DENND4A: variants seen among roughly 807,000 people sequenced by gnomAD.
The protein encoded by DENND4A is DENN domain containing 4A.
A neutral mutation model predicts 199.3 loss-of-function variants in DENND4A; 70 were observed. That is an observed-to-expected ratio of 0.35 (90% CI 0.29 to 0.43). The LOEUF is 0.43. DENND4A is among the 20% of genes least tolerant of loss of function. The pLI is 1.00. For missense variants in DENND4A, 1,723 were observed against 2,255.8 expected (o/e 0.76, Z 4.78); for synonymous variants, 686 against 766.9 (o/e 0.89, Z 1.74).
intron 12 of DENND4A, among the ~76,000 whole-genome samples, chr15:65,719,010 C>G (rs1036724990): frequency 5.9e-5 from 9 of 151,528 alleles, no homozygotes; most frequent in Non-Finnish European, 1.3e-4. Flanking sequence ...GAACTCCTGA[C>G]CTCAGGTGAT....
intron 1 of DENND4A, among the ~76,000 whole-genome samples, chr15:65,790,164 C>T (rs2077676705): frequency 6.6e-6 from 1 of 152,158 alleles, no homozygotes; most frequent in African/African-American, 2.4e-5. Context: ...ATACTAAATA[C>T]TATTCAAGTT....
At chr15:65,780,294 A>G (rs779531864) in intron 1 of DENND4A, among the ~76,000 whole-genome samples, 2 of 152,176 alleles carry the variant, frequency 1.3e-5, no homozygotes, top group Non-Finnish European at 2.9e-5. Flanking sequence ...CCTCCCTCAC[A>G]CCTTAATCCA....
At chr15:65,773,430 C>A (rs2077195023) in intron 1 of DENND4A, among the ~76,000 whole-genome samples, 3 of 152,000 alleles carry the variant, frequency 2.0e-5, no homozygotes, top group Admixed American at 2.0e-4. Flanking sequence ...CATGATAAGT[C>A]TATAACAGGA....
chr15:65,715,265 T>C (rs2075364621), intron 14 of DENND4A: 1 of 411,764 alleles, frequency 2.4e-6, no homozygotes, highest in South Asian at 3.6e-5. Flanking sequence ...AACTTATGAT[T>C]ACAATTACCT....
In DENND4A at chr15:65,660,239, T is replaced by A; in HGVS notation, c.*1612A>T. 2 of 1,501,756 alleles carry A rather than the reference T, an allele frequency of 1.3e-6. No homozygotes were observed. The highest frequency in any genetic ancestry group is 1.8e-6 in the Non-Finnish European group (2 of 1,116,118). 93.0% of individuals were successfully genotyped at this position (1,501,756 alleles called of 1,614,324 possible). Reference sequence around the variant, plus strand: ...TAAGCAAGTTCAGCCCCAAACTAACTGAAGTTTTACATTTTTAAACTCTCT... The same window carrying A: ...TAAGCAAGTTCAGCCCCAAACTAACAGAAGTTTTACATTTTTAAACTCTCT... On this transcript the variant is annotated 3_prime_UTR_variant, in exon 33 of 33. Coordinates refer to ENST00000443035, the MANE Select transcript of DENND4A (RefSeq NM_001320835.1).
At chr15:65,694,380 C>CAG (rs964631347) in intron 22 of DENND4A, among the ~76,000 whole-genome samples, 5 of 151,580 alleles carry the variant, frequency 3.3e-5, no homozygotes, top group African/African-American at 9.7e-5. Flanking sequence ...ACCCAGGAAG[C>CAG]AGAGGTTGCA....
chr15:65,698,433 C>A (rs1320771566), intron 20 of DENND4A, among the ~76,000 whole-genome samples: 1 of 152,056 alleles, frequency 6.6e-6, no homozygotes, highest in African/African-American at 2.4e-5. Context: ...TTTTAAGTAA[C>A]AATGTAATCT....
At chr15:65,788,134 T>C (rs1596720140) in intron 1 of DENND4A, among the ~76,000 whole-genome samples, 1 of 151,962 alleles carries the variant, frequency 6.6e-6, no homozygotes. Context: ...TGGGGTGCAG[T>C]GGCGCTATCT....
chr15:65,691,541 T>A, intron 22 of DENND4A, 30 bp from the exon 23 acceptor site: 1 of 1,506,686 alleles, frequency 6.6e-7, no homozygotes, highest in Non-Finnish European at 8.8e-7. Context: ...CTTTTAGCCA[T>A]GAAAATATAA....
intron 15 of DENND4A, chr15:65,705,818 G>A (rs2075030268): frequency 5.0e-6 from 1 of 201,594 alleles, no homozygotes; most frequent in Non-Finnish European, 8.8e-6. Context: ...TTGGTGTGGG[G>A]AGTCTAACTG....
intron 6 of DENND4A, 37 bp downstream of exon 6, chr15:65,738,669 A>G (rs1411906693): frequency 6.4e-7 from 1 of 1,560,038 alleles, no homozygotes; most frequent in South Asian, 1.2e-5. Flanking sequence ...AAAATGTACA[A>G]GAAATTTGTA....
chr15:65,735,334 C>T (rs574444353), intron 7 of DENND4A, among the ~76,000 whole-genome samples: 6 of 151,516 alleles, frequency 4.0e-5, no homozygotes, highest in South Asian at 2.1e-4. Context: ...GCCAAGATCA[C>T]GCCACTATAC....
intron 18 of DENND4A, among the ~76,000 whole-genome samples, 187 bp from the exon 19 acceptor site, chr15:65,701,379 C>CAACA (rs1444687223): frequency 6.6e-6 from 1 of 152,060 alleles, no homozygotes; most frequent in Non-Finnish European, 1.5e-5. Flanking sequence ...CCAGCCTGGG[C>CAACA]AACAAGGTGA....
chr15:65,787,142 TAAA>T (rs1457491098), intron 1 of DENND4A, among the ~76,000 whole-genome samples: 1 of 152,124 alleles, frequency 6.6e-6, no homozygotes. Flanking sequence ...TTTTCAAAAA[TAAA>T]AATCTCTCAT....
intron 22 of DENND4A, among the ~76,000 whole-genome samples, chr15:65,694,211 G>A (rs1013639600): frequency 6.6e-6 from 1 of 152,204 alleles, no homozygotes; most frequent in South Asian, 2.1e-4. Context: ...CACTTTGGAA[G>A]GCCAAGGCAG....
intron 1 of DENND4A, among the ~76,000 whole-genome samples, chr15:65,768,829 C>CA (rs1322383371): frequency 2.3e-4 from 35 of 150,854 alleles, no homozygotes; most frequent in Admixed American, 2.1e-3. Context: ...CTAAAAAATA[C>CA]AAAAAAAAGA....
Position 65,691,055 on chromosome 15 carries a change from C to T in DENND4A, c.3539G>A (p.Gly1180Glu). 1 of 1,612,822 alleles carries T rather than the reference C, an allele frequency of 6.2e-7. No homozygotes were observed. The highest frequency in any genetic ancestry group is 8.5e-7 in the Non-Finnish European group (1 of 1,179,378). ...LDSETDVSKA[G>E]CVATQNPKRI... ...CTTGGGATTTTGTGTAGCAACACAT[C>T]CTGCTTTTGATACATCTGTTTCACT... The change falls in exon 23 of 33, where the codon GGA (glycine) becomes GAA (glutamate). Residue 1180 changes from glycine (G) to glutamate (E), a missense_variant. Coordinates refer to ENST00000443035, the MANE Select transcript of DENND4A (RefSeq NM_001320835.1).
chr15:65,749,685 G>T (rs1406773391), intron 4 of DENND4A, among the ~76,000 whole-genome samples: 1 of 151,616 alleles, frequency 6.6e-6, no homozygotes, highest in East Asian at 1.9e-4. Context: ...AATAAGCAAA[G>T]AAATGCAAAT....
At position 65,667,913 on chromosome 15, in the gene DENND4A, C is replaced by A. The variant is rs770653639; in HGVS notation, c.4986+12G>T. 6.3e-7 allele frequency: 1 copy of A among 1,589,670 alleles called. No individual in the cohort carries two copies. Among genetic ancestry groups the A allele is most frequent in the East Asian group, 2.2e-5 (1 of 44,788 alleles). On this transcript the variant is annotated intron_variant, in intron 28 of 32. Coordinates refer to ENST00000443035, the MANE Select transcript of DENND4A (RefSeq NM_001320835.1). ...TCAATTTCCAAATAAAAAAATACAC[C>A]AAAATACATACTGTAGCTCCTTGTA...
Sources: allele counts gnomAD v4.1 joint callset (sites outside exome capture counted in the v4.1 genomes callset), GRCh38; gene constraint gnomAD v4.1.1; transcripts MANE v1.5; gene names NCBI Gene and HGNC (gene_info 2026-07-23, HGNC 2026-07-21).